The following SLC25A13 variants were observed in gnomAD, a reference collection of about 807,000 sequenced individuals.
The protein encoded by SLC25A13 is solute carrier family 25 member 13.
Under a neutral mutation model 85.5 loss-of-function variants are expected in SLC25A13, and 70 were observed. The observed-to-expected ratio is 0.82, with a 90% CI of 0.68 to 1.00. The LOEUF is 1.00. SLC25A13 is among the 50% of genes least tolerant of loss of function. The pLI is 0.00. For synonymous variants in SLC25A13, 259 were observed against 288.7 expected (o/e 0.90, Z 1.04); for missense variants, 765 against 819.8 (o/e 0.93, Z 0.82).
intron 3 of SLC25A13, among the ~76,000 whole-genome samples, chr7:96,263,546 T>C (rs1797936057): frequency 6.6e-6 from 1 of 152,114 alleles, no homozygotes; most frequent in Non-Finnish European, 1.5e-5. Flanking sequence ...TTCTCCTTCC[T>C]AACCCCCACC....
chr7:96,156,484 G>A (rs540063179), intron 13 of SLC25A13, among the ~76,000 whole-genome samples: 65 of 147,254 alleles, frequency 4.4e-4, no homozygotes, highest in African/African-American at 1.5e-3. Context: ...CAGAATCTCC[G>A]TCTGTCGCCC....
chr7:96,289,627 G>C (rs1226049510), intron 2 of SLC25A13, among the ~76,000 whole-genome samples: 1 of 152,190 alleles, frequency 6.6e-6, no homozygotes, highest in Non-Finnish European at 1.5e-5. Flanking sequence ...AGCTTCAGTA[G>C]CCGATTCGAT....
chr7:96,314,153 CGAAGAAGAAG>C (rs947916306), intron 1 of SLC25A13, among the ~76,000 whole-genome samples: 1 of 150,290 alleles, frequency 6.7e-6, no homozygotes, highest in Non-Finnish European at 1.5e-5. Flanking sequence ...GGATGAAGGA[CGAAGAAGAAG>C]GAAGAAGAAG....
At chr7:96,302,970 T>G (rs2117008159) in intron 1 of SLC25A13, among the ~76,000 whole-genome samples, 1 of 152,324 alleles carries the variant, frequency 6.6e-6, no homozygotes, top group East Asian at 1.9e-4. Context: ...AGATGTAGGT[T>G]CTCAGTCCTC....
At chr7:96,185,479 G>C (rs1341155372) in intron 9 of SLC25A13, among the ~76,000 whole-genome samples, 1 of 152,162 alleles carries the variant, frequency 6.6e-6, no homozygotes, top group African/African-American at 2.4e-5. Flanking sequence ...TGTGCCTGTA[G>C]TCTCAGCTAC....
chr7:96,249,290 T>C (rs1269093310), intron 3 of SLC25A13, among the ~76,000 whole-genome samples: 1 of 152,200 alleles, frequency 6.6e-6, no homozygotes, highest in Non-Finnish European at 1.5e-5. Context: ...TACATGAACA[T>C]AATTTGCTTG....
At chr7:96,201,469 G>A (rs183942584) in intron 5 of SLC25A13, among the ~76,000 whole-genome samples, 157 of 144,928 alleles carry the variant, frequency 1.1e-3, no homozygotes, top group African/African-American at 3.9e-3. Context: ...CCAAGAGCAC[G>A]CCATTGCACT....
In SLC25A13 at chr7:96,158,566, CTTAGAT is replaced by C. The variant is rs1793378266; in HGVS notation, c.1311+11473_1311+11478del. Reference sequence around the variant, plus strand: ...TTTTAATTATGCTCAATTGAATGTACTTAGATTTAAAGTGCTTTTCACAAATGACAT... The same window carrying C: ...TTTTAATTATGCTCAATTGAATGTACTTAAAGTGCTTTTCACAAATGACAT... On this transcript the variant is annotated intron_variant, in intron 13 of 17. Coordinates refer to ENST00000265631, the MANE Select transcript of SLC25A13 (RefSeq NM_014251.3). 2.6e-5 allele frequency among the ~76,000 whole-genome samples: 4 copies of C among 152,136 alleles called. No homozygotes were observed. The South Asian group carries it at 6.2e-4, about 24-fold the overall frequency.
At chr7:96,131,225 A>T (rs1318509330) in intron 15 of SLC25A13, among the ~76,000 whole-genome samples, 1 of 152,216 alleles carries the variant, frequency 6.6e-6, no homozygotes, top group Non-Finnish European at 1.5e-5. Context: ...GAAGATAGTT[A>T]TTTCCATCTG....
chr7:96,171,566 CA>C (rs1263183897), intron 11 of SLC25A13, 42 bp from the exon 12 acceptor site: 1 of 1,540,114 alleles, frequency 6.5e-7, no homozygotes, highest in Admixed American at 1.7e-5. Flanking sequence ...AATAAATTAG[CA>C]TTAACTAAAC....
At chr7:96,234,068 CCA>C (rs1166382286) in intron 4 of SLC25A13, among the ~76,000 whole-genome samples, 1 of 152,228 alleles carries the variant, frequency 6.6e-6, no homozygotes, top group African/African-American at 2.4e-5. Flanking sequence ...ATGCTGGACA[CCA>C]CAGAGTCCAA....
intron 3 of SLC25A13, among the ~76,000 whole-genome samples, chr7:96,262,512 C>G (rs907461266): frequency 1.7e-4 from 17 of 100,306 alleles, no homozygotes; most frequent in Non-Finnish European, 3.2e-4. Context: ...CCAAAAACTA[C>G]TCCTCAGTTT....
intron 3 of SLC25A13, among the ~76,000 whole-genome samples, chr7:96,241,157 C>G (rs542968787): frequency 1.3e-5 from 2 of 152,146 alleles, no homozygotes; most frequent in South Asian, 4.2e-4. Context: ...AACAATTTGA[C>G]AACACAGCAA....
chr7:96,288,350 G>A (rs1470925084), intron 2 of SLC25A13, among the ~76,000 whole-genome samples: 1 of 152,216 alleles, frequency 6.6e-6, no homozygotes, highest in Non-Finnish European at 1.5e-5. Context: ...GAGCGATGCA[G>A]AAGACAGGTG....
intron 11 of SLC25A13, among the ~76,000 whole-genome samples, chr7:96,177,397 C>T (rs1384288280): frequency 1.3e-5 from 2 of 152,218 alleles, no homozygotes; most frequent in African/African-American, 4.8e-5. Flanking sequence ...TTAACCTCTG[C>T]TGACAAGCAA....
chr7:96,270,613 C>A (rs926958957), intron 3 of SLC25A13, among the ~76,000 whole-genome samples: 1 of 151,646 alleles, frequency 6.6e-6, no homozygotes, highest in African/African-American at 2.4e-5. Flanking sequence ...GCCTGTAATC[C>A]CTGCTACTCC....
chr7:96,302,289 C>T (rs1799576262), intron 1 of SLC25A13, among the ~76,000 whole-genome samples: 1 of 152,160 alleles, frequency 6.6e-6, no homozygotes, highest in African/African-American at 2.4e-5. Flanking sequence ...AATGAATTCA[C>T]TCTCCTAATA....
intron 14 of SLC25A13, among the ~76,000 whole-genome samples, chr7:96,143,670 T>G (rs938900266): frequency 6.6e-6 from 1 of 152,256 alleles, no homozygotes; most frequent in Non-Finnish European, 1.5e-5. Context: ...TTTTTTCAGT[T>G]GCAAATGTAT....
chr7:96,189,239 T>C, intron 9 of SLC25A13, 55 bp downstream of exon 9: 1 of 1,486,544 alleles, frequency 6.7e-7, no homozygotes, highest in Non-Finnish European at 9.4e-7. Context: ...TGGAACAGGG[T>C]TGGGGTATCC....
Sources: allele counts gnomAD v4.1 joint callset (sites outside exome capture counted in the v4.1 genomes callset), GRCh38; gene constraint gnomAD v4.1.1; transcripts MANE v1.5; gene names NCBI Gene and HGNC (gene_info 2026-07-23, HGNC 2026-07-21).